Variants in CCDC18 observed in about 807,000 individuals in gnomAD.
CCDC18 encodes the protein coiled-coil domain-containing protein 18.
A neutral mutation model predicts 196.0 loss-of-function variants in CCDC18; 157 were observed. The observed-to-expected ratio is 0.80, with a 90% CI of 0.70 to 0.91. The LOEUF is 0.91. Among genes scored for constraint, CCDC18 ranks in the 40% least tolerant of loss-of-function variants. The probability of loss-of-function intolerance (pLI) is 0.00; values close to 1 mark genes in which losing one functional copy is unlikely to be tolerated. For missense variants in CCDC18, 1,465 were observed against 1,611.6 expected (o/e 0.91, Z 1.56); for synonymous variants, 482 against 529.2 (o/e 0.91, Z 1.22).
At position 93,270,205 on chromosome 1, in the gene CCDC18, G is replaced by T. The variant is rs1381243934; in HGVS notation, c.3886-142G>T. 1.3e-5 allele frequency: 8 copies of T among 606,492 alleles called. No homozygotes were observed. The South Asian group carries it at 1.7e-4, about 13-fold the overall frequency. The allele number at this position is 606,492 out of a possible 1,614,324, so 37.6% of individuals were successfully genotyped here. On this transcript the variant is annotated intron_variant, in intron 27 of 28. Transcript: ENST00000690025. The stretch of plus-strand genomic sequence containing the variant: ...ATCTTAAGTAAAGGTTTTAAACAGA[G>T]CTTGGAAAACTCTCAAGAATTATAA...
chr1:93,232,636 G>T (rs1659420462), intron 18 of CCDC18, 43 bp downstream of exon 18: 4 of 1,408,780 alleles, frequency 2.8e-6, no homozygotes, highest in South Asian at 1.3e-5. Context: ...GTATGAAATA[G>T]AAATTTTTAA....
At chr1:93,193,830 T>A in intron 6 of CCDC18, 86 bp downstream of exon 6, 1 of 1,081,288 alleles carries the variant, frequency 9.2e-7, no homozygotes, top group Non-Finnish European at 1.3e-6. Flanking sequence ...ATTTTTGAAG[T>A]GAAAAAATTT....
chr1:93,259,154 G>A (rs1299127980), intron 26 of CCDC18, among the ~76,000 whole-genome samples: 1 of 152,010 alleles, frequency 6.6e-6, no homozygotes, highest in East Asian at 1.9e-4. Flanking sequence ...TGTCTAAAAT[G>A]GATATAATAA....
At chr1:93,207,423 G>T in intron 9 of CCDC18, 25 bp downstream of exon 9, 2 of 1,495,648 alleles carry the variant, frequency 1.3e-6, no homozygotes, top group South Asian at 2.7e-5. Context: ...TTACGTAATG[G>T]AAAAGAAGAA....
intron 28 of CCDC18, among the ~76,000 whole-genome samples, chr1:93,276,395 A>G (rs1418978266): frequency 6.6e-6 from 1 of 152,196 alleles, no homozygotes; most frequent in Non-Finnish European, 1.5e-5. Context: ...ATTAACTCCT[A>G]TTCTAATCCT....
chr1:93,237,038 AT>A (rs1159522047), intron 19 of CCDC18, among the ~76,000 whole-genome samples: 1 of 152,200 alleles, frequency 6.6e-6, no homozygotes, highest in African/African-American at 2.4e-5. Context: ...AATTTATAAC[AT>A]AATCAGCCCA....
At chr1:93,232,325 C>A in intron 17 of CCDC18, 101 bp from the exon 18 acceptor site, 1 of 681,554 alleles carries the variant, frequency 1.5e-6, no homozygotes. Context: ...TCCCACATGA[C>A]AAGTGGATGG....
At chr1:93,233,632 CTT>C (rs3067452) in intron 18 of CCDC18, among the ~76,000 whole-genome samples, 43,306 of 151,770 alleles carry the variant, frequency 0.29, 9,347 homozygotes, top group African/African-American at 0.61. Context: ...GAGTTTCACT[CTT>C]GTCACCCAGG....
chr1:93,200,545 G>A (rs1653653224), intron 6 of CCDC18, among the ~76,000 whole-genome samples: 1 of 152,136 alleles, frequency 6.6e-6, no homozygotes, highest in East Asian at 1.9e-4. Flanking sequence ...TGTGGGTGTA[G>A]GTTAACATGA....
chr1:93,196,177 G>C (rs779065138), intron 6 of CCDC18, among the ~76,000 whole-genome samples: 2 of 152,052 alleles, frequency 1.3e-5, no homozygotes, highest in African/African-American at 4.8e-5. Context: ...ATAAAAATTA[G>C]CCTGGTGTGG....
In CCDC18 at chr1:93,186,449, C is replaced by G; in HGVS notation, c.408C>G (p.Ser136=). Residue 136 remains serine (S), a synonymous_variant, in exon 4 of 29, where the codon TCC becomes TCG. Coordinates refer to ENST00000690025, the MANE Select transcript of CCDC18 (RefSeq NM_001378204.1). ...CTTGTTTGGTCACACAGAATCATTCCTTAATGACTAAATTTGAATCTATTC... is the reference window on the plus strand; with the variant it reads ...CTTGTTTGGTCACACAGAATCATTCGTTAATGACTAAATTTGAATCTATTC... ...QNACLVTQNH[S]LMTKFESIHF... is the part of the protein sequence containing the mutation. 1 of 1,610,266 alleles carries G rather than the reference C, an allele frequency of 6.2e-7. No homozygotes were observed. Among genetic ancestry groups the G allele is most frequent in the East Asian group, 2.2e-5 (1 of 44,630 alleles).
At chr1:93,188,728 G>T (rs373806649) in intron 4 of CCDC18, among the ~76,000 whole-genome samples, 3 of 152,214 alleles carry the variant, frequency 2.0e-5, no homozygotes, top group South Asian at 2.1e-4. Flanking sequence ...TGCACAACAA[G>T]TTGTCTTTGA....
intron 21 of CCDC18, among the ~76,000 whole-genome samples, chr1:93,241,920 G>GA (rs897133821): frequency 6.6e-6 from 1 of 151,762 alleles, no homozygotes. Context: ...AGCAAGTGTA[G>GA]AAAAAAAATG....
chr1:93,275,703 T>A (rs373297337), intron 28 of CCDC18, among the ~76,000 whole-genome samples: 2 of 152,164 alleles, frequency 1.3e-5, no homozygotes, highest in East Asian at 3.8e-4. Flanking sequence ...CCTGGATTAA[T>A]CATTAAGGAA....
chr1:93,265,948 T>C (rs1325312349), intron 27 of CCDC18, among the ~76,000 whole-genome samples: 1 of 152,198 alleles, frequency 6.6e-6, no homozygotes, highest in Non-Finnish European at 1.5e-5. Context: ...GCAGACCTAA[T>C]AGACATCGAC....
rs200045120 is a variant in CCDC18, at chr1:93,201,899, C to A, written c.706C>A (p.Arg236=). The A allele has an allele frequency of 2.5e-6, 4 of 1,571,300 alleles. No individual in the cohort carries two copies. The highest frequency in any genetic ancestry group is 1.9e-5 in the Admixed American group (1 of 53,206). Residue 236 remains arginine (R), a synonymous_variant, in exon 7 of 29, where the codon CGA becomes AGA. Coordinates refer to ENST00000690025, the MANE Select transcript of CCDC18 (RefSeq NM_001378204.1). The stretch of plus-strand genomic sequence containing the variant: ...TCTCTTTTTAAATTTTAGAGCTGAA[C>A]GACAAAGGAATGAAGCACTATATAA... The part of the protein sequence containing the change: ...EQTKQGKRAE[R]QRNEALYNAE...
At chr1:93,233,462 T>A (rs550968576) in intron 18 of CCDC18, among the ~76,000 whole-genome samples, 3 of 152,320 alleles carry the variant, frequency 2.0e-5, no homozygotes, top group Admixed American at 2.0e-4. Context: ...AAAATGATCG[T>A]CCCCTGTAAT....
At position 93,210,832 on chromosome 1, in the gene CCDC18, T is replaced by C. The variant is rs760811623; in HGVS notation, c.1240T>C (p.Tyr414His). 1 of 1,605,296 alleles carries C rather than the reference T, an allele frequency of 6.2e-7. No individual in the cohort carries two copies. Among genetic ancestry groups the C allele is most frequent in the Non-Finnish European group, 8.5e-7 (1 of 1,172,066 alleles). Reference sequence around the variant, plus strand: ...AAGAGAATTATTTGGCTTTAAATCATATCTTTCTAAATACCAGATGAGTAG... The same window carrying C: ...AAGAGAATTATTTGGCTTTAAATCACATCTTTCTAAATACCAGATGAGTAG... The part of the protein sequence containing the change: ...LKRELFGFKS[Y>H]LSKYQMSSFS... Residue 414 changes from tyrosine (Y) to histidine (H), a missense_variant, in exon 10 of 29, where the codon TAT (tyrosine) becomes CAT (histidine). Transcript: ENST00000690025.
At chr1:93,271,650 C>A in intron 28 of CCDC18, 1 of 576,828 alleles carries the variant, frequency 1.7e-6, no homozygotes, top group South Asian at 7.6e-5. Context: ...GTATGGGCAA[C>A]ATGGAGACCC....
Sources: allele counts gnomAD v4.1 joint callset (sites outside exome capture counted in the v4.1 genomes callset), GRCh38; gene constraint gnomAD v4.1.1; transcripts MANE v1.5; gene names NCBI Gene and HGNC (gene_info 2026-07-23, HGNC 2026-07-21).